Variants in MEF2D observed in about 807,000 individuals in gnomAD.
The protein encoded by MEF2D is myocyte-specific enhancer factor 2D.
Under a neutral mutation model 59.3 loss-of-function variants are expected in MEF2D, and 10 were observed. That is an observed-to-expected ratio of 0.17 (90% confidence interval 0.10 to 0.29). The LOEUF is 0.29. Among genes scored for constraint, MEF2D ranks in the 10% least tolerant of loss-of-function variants. MEF2D has a pLI of 1.00. For synonymous variants in MEF2D, 305 were observed against 295.0 expected (o/e 1.03, Z -0.35); for missense variants, 508 against 699.4 (o/e 0.73, Z 3.09).
chr1:156,484,824 T>G (rs920573934), intron 1 of MEF2D, among the ~76,000 whole-genome samples: 1 of 152,068 alleles, frequency 6.6e-6, no homozygotes, highest in Admixed American at 6.5e-5. Flanking sequence ...GCGCATTCTC[T>G]CCGGTATGGG....
At chr1:156,492,887 C>T (rs919515754) in intron 1 of MEF2D, among the ~76,000 whole-genome samples, 10 of 152,224 alleles carry the variant, frequency 6.6e-5, no homozygotes, top group Admixed American at 3.3e-4. Context: ...GCCATTGCAG[C>T]GGGTGGGCTA....
At position 156,500,536 on chromosome 1, in the gene MEF2D, G is replaced by A. The variant is rs956657893; in HGVS notation, c.-189C>T. ...TCACGGCAAAGAGCGGGTAGCCCTC[G>A]CCCCTGGTCCGGGGGATCTTCAACA... On this transcript the variant is annotated 5_prime_UTR_variant, in exon 1 of 12. Transcript: ENST00000348159. 6.6e-6 allele frequency: 1 copy of A among 152,204 alleles called. No homozygotes were observed. Among genetic ancestry groups the A allele is most frequent in the South Asian group, 2.1e-4 (1 of 4,832 alleles). The allele number at this position is 152,204 out of a possible 1,614,324, so 9.4% of individuals were successfully genotyped here.
chr1:156,469,001 T>C lies in MEF2D; in HGVS notation c.1026A>G (p.Ala342=). ...AYNTDYQLTS[A]ELSSLPAFSS... ...TAAAGGCTGGTAAGGAGGAGAGCTC[T>C]GCACTGGTCAACTGGTAATCTGCAT... Residue 342 remains alanine (A), a synonymous_variant, in exon 10 of 12, where the codon GCA becomes GCG. Coordinates refer to ENST00000348159, the MANE Select transcript of MEF2D (RefSeq NM_005920.4). The C allele has an allele frequency of 1.2e-6, 2 of 1,601,782 alleles. No individual in the cohort carries two copies. The highest frequency in any genetic ancestry group is 1.7e-6 in the Non-Finnish European group (2 of 1,169,832).
Position 156,467,545 on chromosome 1 carries a change from G to C in MEF2D, c.*100C>G. ...CAACAGGACACGAAGCACAAGAAAG[G>C]AAGTGGGGGTCGAGCGGGAGGAGCC... On this transcript the variant is annotated 3_prime_UTR_variant, in exon 12 of 12. Coordinates refer to ENST00000348159, the MANE Select transcript of MEF2D (RefSeq NM_005920.4). 1.2e-6 allele frequency: 1 copy of C among 824,510 alleles called. No individual in the cohort carries two copies. The highest frequency in any genetic ancestry group is 1.7e-6 in the Non-Finnish European group (1 of 575,916). 51.1% of individuals were successfully genotyped at this position (824,510 alleles called of 1,614,324 possible). A position where few individuals can be genotyped will look rare whatever the true frequency, so the allele number is the denominator to read the frequency against.
At chr1:156,472,715 AT>A (rs569939196) in intron 9 of MEF2D, among the ~76,000 whole-genome samples, 137 of 134,634 alleles carry the variant, frequency 1.0e-3, no homozygotes, top group South Asian at 2.3e-3. Context: ...CGCCCGGCTA[AT>A]TTTTTTTTTT....
intron 1 of MEF2D, among the ~76,000 whole-genome samples, chr1:156,484,977 A>G (rs999926721): frequency 6.6e-6 from 1 of 152,146 alleles, no homozygotes; most frequent in Non-Finnish European, 1.5e-5. Flanking sequence ...AAGATGTTGG[A>G]AGAGGATAGT....
At chr1:156,476,442 G>A (rs1427739942) in intron 8 of MEF2D, 52 bp downstream of exon 8, 2 of 1,595,764 alleles carry the variant, frequency 1.3e-6, no homozygotes, top group Non-Finnish European at 1.7e-6. Flanking sequence ...GGGGACCGCA[G>A]AGCAATACCC....
intron 1 of MEF2D, among the ~76,000 whole-genome samples, chr1:156,495,536 A>G (rs1484600898): frequency 6.6e-6 from 1 of 151,828 alleles, no homozygotes; most frequent in Non-Finnish European, 1.5e-5. Flanking sequence ...GCGGGGCACG[A>G]TGGCTCACAC....
rs1319997592 is a variant in MEF2D, at chr1:156,466,548, G to A, written c.*1097C>T. On this transcript the variant is annotated 3_prime_UTR_variant, in exon 12 of 12. Transcript: ENST00000348159. The stretch of plus-strand genomic sequence containing the variant: ...GGGACCTCTACGGACCCATCCGTAG[G>A]CCCTCCCACCCCACAGACCATCCCA... 2.0e-5 allele frequency: 3 copies of A among 152,784 alleles called. No individual in the cohort carries two copies. Among genetic ancestry groups the A allele is most frequent in the African/African-American group, 7.2e-5 (3 of 41,396 alleles). The allele number at this position is 152,784 out of a possible 1,614,324, so 9.5% of individuals were successfully genotyped here. A position where few individuals can be genotyped will look rare whatever the true frequency, so the allele number is the denominator to read the frequency against.
At chr1:156,493,431 C>T (rs540543430) in intron 1 of MEF2D, among the ~76,000 whole-genome samples, 6 of 152,248 alleles carry the variant, frequency 3.9e-5, no homozygotes, top group East Asian at 1.9e-4. Flanking sequence ...CCCCTGGCAG[C>T]GGAGGGAGGG....
intron 9 of MEF2D, 137 bp from the exon 10 acceptor site, chr1:156,469,157 A>G: frequency 1.7e-6 from 2 of 1,208,714 alleles, no homozygotes; most frequent in Non-Finnish European, 2.2e-6. Context: ...ATTCAAGAAG[A>G]CCACAAAAAT....
At chr1:156,492,752 A>AAC (rs1340196123) in intron 1 of MEF2D, among the ~76,000 whole-genome samples, 5 of 152,122 alleles carry the variant, frequency 3.3e-5, no homozygotes, top group African/African-American at 1.2e-4. Context: ...CCACCTCCCC[A>AAC]ACACAACTTC....
At chr1:156,470,034 G>A (rs1671134464) in intron 9 of MEF2D, among the ~76,000 whole-genome samples, 1 of 152,246 alleles carries the variant, frequency 6.6e-6, no homozygotes, top group African/African-American at 2.4e-5. Flanking sequence ...GCTGGCCAAG[G>A]TTCCAGCAGA....
intron 1 of MEF2D, among the ~76,000 whole-genome samples, chr1:156,488,677 A>G (rs544828491): frequency 3.3e-4 from 51 of 152,318 alleles, no homozygotes; most frequent in African/African-American, 5.3e-4. Context: ...GCCTCCCCCA[A>G]TGCAACACCT....
Position 156,477,091 on chromosome 1 carries a change from G to A in MEF2D, c.776C>T (p.Thr259Ile). ...AKSPPPPTHSTQLGAPSRKPD... is the reference protein window; with the variant it reads ...AKSPPPPTHSIQLGAPSRKPD... ...CTTGCGGCTGGGGGCTCCAAGCTGG[G>A]TGCTGTGGGTAGGTGGGGGTGGAGA... is the stretch of plus-strand genomic sequence containing the variant. The change falls in exon 7 of 12, where the codon ACC (threonine) becomes ATC (isoleucine). Residue 259 changes from threonine to isoleucine, a missense_variant. Thr to Ile is a moderately conservative substitution (Grantham distance 89). This residue lies in a region of MEF2D where 481 missense variants were observed against 584.7 expected (regional missense o/e 0.82). Transcript: ENST00000348159. The A allele has an allele frequency of 1.2e-6, 2 of 1,613,990 alleles. No individual in the cohort carries two copies. Among genetic ancestry groups the A allele is most frequent in the Non-Finnish European group, 8.5e-7 (1 of 1,179,914 alleles).
chr1:156,473,763 T>C (rs1341403521), intron 9 of MEF2D, among the ~76,000 whole-genome samples: 1 of 152,206 alleles, frequency 6.6e-6, no homozygotes, highest in Non-Finnish European at 1.5e-5. Flanking sequence ...TCTCATGTCC[T>C]TAAGTGGCTC....
intron 1 of MEF2D, among the ~76,000 whole-genome samples, chr1:156,497,437 A>G (rs1050490005): frequency 2.6e-5 from 4 of 152,252 alleles, no homozygotes; most frequent in Non-Finnish European, 4.4e-5. Flanking sequence ...GGAGAATCCC[A>G]GCACCACAGT....
At position 156,463,789 on chromosome 1, in the gene MEF2D, G is replaced by A. The variant is rs903077226; in HGVS notation, c.*3856C>T. The A allele has an allele frequency of 6.6e-6, 1 of 152,496 alleles. No homozygotes were observed. 9.4% of individuals were successfully genotyped at this position (152,496 alleles called of 1,614,324 possible). A position where few individuals can be genotyped will look rare whatever the true frequency, so the allele number is the denominator to read the frequency against. ...CCTCTTTACAACAAATATAGTGAAA[G>A]AGTTTTCAAACAAAACTCATAAGAA... On this transcript the variant is annotated 3_prime_UTR_variant, in exon 12 of 12. Coordinates refer to ENST00000348159, the MANE Select transcript of MEF2D (RefSeq NM_005920.4).
In MEF2D at chr1:156,464,670, C is replaced by G. The variant is rs752237928; in HGVS notation, c.*2975G>C. Reference sequence around the variant, plus strand: ...TCTGGCCGCCCAGGAGCCCCTACCCCCAAGAGAAACCTTCGGATACTGAAC... The same window carrying G: ...TCTGGCCGCCCAGGAGCCCCTACCCGCAAGAGAAACCTTCGGATACTGAAC... On this transcript the variant is annotated 3_prime_UTR_variant, in exon 12 of 12. Coordinates refer to ENST00000348159, the MANE Select transcript of MEF2D (RefSeq NM_005920.4). 8 of 152,176 alleles carry G rather than the reference C, an allele frequency of 5.3e-5. No homozygotes were observed. Among genetic ancestry groups the G allele is most frequent in the Non-Finnish European group, 1.0e-4 (7 of 68,054 alleles). 9.4% of individuals were successfully genotyped at this position (152,176 alleles called of 1,614,324 possible).
Sources: gnomAD v4.1 joint callset for allele counts (sites outside exome capture counted in the v4.1 genomes callset) on GRCh38, gnomAD v4.1.1 for gene constraint, gnomAD v4.1.1 regional missense constraint, MANE v1.5 for transcripts, NCBI Gene and HGNC (gene_info 2026-07-23, HGNC 2026-07-21) for gene names.